The following STAT4 variants were observed in gnomAD, a reference collection of about 807,000 sequenced individuals.
STAT4 encodes the protein signal transducer and activator of transcription 4.
Under a neutral mutation model 110.5 loss-of-function variants are expected in STAT4, and 42 were observed. That is an observed-to-expected ratio of 0.38 (90% confidence interval 0.30 to 0.49). The LOEUF (loss-of-function observed/expected upper bound fraction) is 0.49, where lower values mean the gene tolerates loss of function less well. Ranked by LOEUF, STAT4 falls within the 20% of genes least tolerant of loss-of-function variation. STAT4 has a pLI of 0.95. For missense variants in STAT4, 632 were observed against 887.9 expected (o/e 0.71, Z 3.66); for synonymous variants, 284 against 302.2 (o/e 0.94, Z 0.63).
In STAT4 at chr2:191,032,035, C is replaced by A. The variant is rs1413304936; in HGVS notation, c.2045-519G>T. 6.6e-6 allele frequency: 1 copy of A among 152,316 alleles called. No individual in the cohort carries two copies. Among genetic ancestry groups the A allele is most frequent in the African/African-American group, 2.4e-5 (1 of 41,446 alleles). 9.4% of individuals were successfully genotyped at this position (152,316 alleles called of 1,614,324 possible). Reference sequence around the variant, plus strand: ...AACTTCTCTGGTATACCATGTTGAACTAGTATTTGTTCCAATTTTCCAACC... The same window carrying A: ...AACTTCTCTGGTATACCATGTTGAAATAGTATTTGTTCCAATTTTCCAACC... On this transcript the variant is annotated intron_variant, in intron 21 of 23. Coordinates refer to ENST00000392320, the MANE Select transcript of STAT4 (RefSeq NM_003151.4). This position sits in a 1 kb window ranked among gnomAD's most constrained non-coding sequence, Gnocchi z 4.9.
At position 191,104,324 on chromosome 2, in the gene STAT4, GT is replaced by G. The variant is rs1698220338; in HGVS notation, c.274-28000del. Among the ~76,000 whole-genome samples, 3 of 152,026 alleles carry G rather than the reference GT, an allele frequency of 2.0e-5. 1 individual carries two copies. The South Asian group carries it at 6.2e-4, about 32-fold the overall frequency. ...TGAACAAAGCTTTGATAATAAAGAA[GT>G]TAAACTAATGAATTAGTTTTTCCCA... On this transcript the variant is annotated intron_variant, in intron 3 of 23. Coordinates refer to ENST00000392320, the MANE Select transcript of STAT4 (RefSeq NM_003151.4). This position sits in a 1 kb window ranked among gnomAD's most constrained non-coding sequence, Gnocchi z 4.3.
chr2:191,067,557 T>C (rs956078960), intron 6 of STAT4, among the ~76,000 whole-genome samples: 1 of 152,188 alleles, frequency 6.6e-6, no homozygotes, highest in African/African-American at 2.4e-5. Flanking sequence ...TGCCTGAGCA[T>C]TGGGTCCATT....
chr2:191,083,696 T>G lies in STAT4; in HGVS notation c.274-7371A>C, dbSNP rs981344632. 6.6e-6 allele frequency among the ~76,000 whole-genome samples: 1 copy of G among 152,188 alleles called. No individual in the cohort carries two copies. The highest frequency in any genetic ancestry group is 2.4e-5 in the African/African-American group (1 of 41,444). On this transcript the variant is annotated intron_variant, in intron 3 of 23. Transcript: ENST00000392320. This position sits in a 1 kb window ranked among gnomAD's most constrained non-coding sequence, Gnocchi z 4.6. Reference sequence around the variant, plus strand: ...CTACTGCGTACTTCTGGTTGCCAACTAGCTCTCTCTCCCTTTGCATCACAA... The same window carrying G: ...CTACTGCGTACTTCTGGTTGCCAACGAGCTCTCTCTCCCTTTGCATCACAA...
chr2:191,128,897 T>C (rs1398885248), intron 3 of STAT4, among the ~76,000 whole-genome samples: 2 of 152,184 alleles, frequency 1.3e-5, no homozygotes, highest in Admixed American at 1.3e-4. Context: ...TTCCTAACAC[T>C]ACGTTTTGAG....
intron 14 of STAT4, among the ~76,000 whole-genome samples, chr2:191,052,796 C>T (rs897128948): frequency 6.6e-6 from 1 of 152,126 alleles, no homozygotes; most frequent in African/African-American, 2.4e-5. Flanking sequence ...TAAAATGTGC[C>T]AATGTTTAAC....
intron 3 of STAT4, among the ~76,000 whole-genome samples, chr2:191,094,204 G>A (rs1300401779): frequency 6.6e-6 from 1 of 152,120 alleles, no homozygotes; most frequent in Admixed American, 6.6e-5. Flanking sequence ...ACCTAGGGAG[G>A]CAGGCCTACA....
At chr2:191,068,395 C>T (rs1232775235) in intron 6 of STAT4, 1 of 152,088 alleles carries the variant, frequency 6.6e-6, no homozygotes, top group Admixed American at 6.6e-5. Context: ...GCCATTTCTT[C>T]TGAATGGAAA....
intron 16 of STAT4, among the ~76,000 whole-genome samples, chr2:191,038,464 C>T (rs1696102874): frequency 6.6e-6 from 1 of 152,166 alleles, no homozygotes; most frequent in South Asian, 2.1e-4. Context: ...TTGGAGGGAA[C>T]ATTTGCTCTG....
Position 191,029,618 on chromosome 2 carries a change from T to A in STAT4, c.*222A>T, listed in dbSNP as rs1220766131. 1 of 533,794 alleles carries A rather than the reference T, an allele frequency of 1.9e-6. No individual in the cohort carries two copies. The highest frequency in any genetic ancestry group is 3.5e-5 in the East Asian group (1 of 28,770). The allele number at this position is 533,794 out of a possible 1,614,324, so 33.1% of individuals were successfully genotyped here. ...TATTAACACTGGTTTCTTAAAGTTGTCTTATCTTGCAAGTTTATCTGAAGC... is the reference window on the plus strand; with the variant it reads ...TATTAACACTGGTTTCTTAAAGTTGACTTATCTTGCAAGTTTATCTGAAGC... On this transcript the variant is annotated 3_prime_UTR_variant, in exon 24 of 24. Coordinates refer to ENST00000392320, the MANE Select transcript of STAT4 (RefSeq NM_003151.4). This position sits in a 1 kb window ranked among gnomAD's most constrained non-coding sequence, Gnocchi z 4.5.
chr2:191,036,728 C>T (rs1318386635), intron 16 of STAT4, among the ~76,000 whole-genome samples: 2 of 152,134 alleles, frequency 1.3e-5, no homozygotes, highest in African/African-American at 2.4e-5. Context: ...TGAAGCTTGC[C>T]TTGGTCACTC....
At position 191,061,502 on chromosome 2, in the gene STAT4, T is replaced by G. The variant is rs1025846608; in HGVS notation, c.1034+227A>C. 6.6e-6 allele frequency among the ~76,000 whole-genome samples: 1 copy of G among 152,232 alleles called. No homozygotes were observed. Among genetic ancestry groups the G allele is most frequent in the Non-Finnish European group, 1.5e-5 (1 of 68,032 alleles). On this transcript the variant is annotated intron_variant, in intron 10 of 23. Transcript: ENST00000392320. The surrounding 1 kb of genome is among the most constrained non-coding windows in gnomAD (Gnocchi z 6.2). ...TGCCTGATATTATGATTCCATACTT[T>G]CAGGCTAATATCCCTTATGTCCTCA...
In STAT4 at chr2:191,042,802, G is replaced by T. The variant is rs1263422640; in HGVS notation, c.1252-1654C>A. Among the ~76,000 whole-genome samples the T allele has an allele frequency of 4.0e-5, 6 of 148,890 alleles. No homozygotes were observed. The Admixed American group carries it at 4.0e-4, about 10-fold the overall frequency. On this transcript the variant is annotated intron_variant, in intron 14 of 23. Coordinates refer to ENST00000392320, the MANE Select transcript of STAT4 (RefSeq NM_003151.4). This position sits in a 1 kb window ranked among gnomAD's most constrained non-coding sequence, Gnocchi z 4.2. ...CTTTTTTTTTTTTCTTTTTTGAGAT[G>T]CAGTTTTGCTCTTGTTGCCCAGGCT...
At position 191,053,662 on chromosome 2, in the gene STAT4, A is replaced by G. The variant is rs1277582574; in HGVS notation, c.1251+828T>C. 1.3e-5 allele frequency among the ~76,000 whole-genome samples: 2 copies of G among 152,246 alleles called. No individual in the cohort carries two copies. The highest frequency in any genetic ancestry group is 2.1e-4 in the South Asian group (1 of 4,832). Reference sequence around the variant, plus strand: ...AGGGTTGTTTTTTACCCCACATATCATAATTTTTCAGCCTGACTTCATATA... The same window carrying G: ...AGGGTTGTTTTTTACCCCACATATCGTAATTTTTCAGCCTGACTTCATATA... On this transcript the variant is annotated intron_variant, in intron 14 of 23. Transcript: ENST00000392320. The surrounding 1 kb of genome is among the most constrained non-coding windows in gnomAD (Gnocchi z 4.5).
rs1486788390 is a variant in STAT4, at chr2:191,033,751, AGATT to A, written c.1716-129_1716-126del. The A allele has an allele frequency of 5.8e-6, 8 of 1,384,798 alleles. No individual in the cohort carries two copies. Among genetic ancestry groups the A allele is most frequent in the Non-Finnish European group, 6.9e-6 (7 of 1,018,486 alleles). 85.8% of individuals were successfully genotyped at this position (1,384,798 alleles called of 1,614,324 possible). A position where few individuals can be genotyped will look rare whatever the true frequency, so the allele number is the denominator to read the frequency against. ...ATTCTTACCTGAAATACTCATATATAGATTAATATACATAGTGCCACTCCACAAA... is the reference window on the plus strand; with the variant it reads ...ATTCTTACCTGAAATACTCATATATAAATATACATAGTGCCACTCCACAAA... On this transcript the variant is annotated intron_variant, in intron 19 of 23. Coordinates refer to ENST00000392320, the MANE Select transcript of STAT4 (RefSeq NM_003151.4). This position sits in a 1 kb window ranked among gnomAD's most constrained non-coding sequence, Gnocchi z 6.9.
chr2:191,132,830 C>T (rs1229489512), intron 3 of STAT4, among the ~76,000 whole-genome samples: 2 of 150,130 alleles, frequency 1.3e-5, no homozygotes, highest in Non-Finnish European at 2.9e-5. Context: ...TCTCGGCTCA[C>T]TGCAAGCTCC....
chr2:191,080,913 T>C (rs577108573), intron 3 of STAT4, among the ~76,000 whole-genome samples: 119 of 152,296 alleles, frequency 7.8e-4, no homozygotes, highest in Non-Finnish European at 1.6e-3. Flanking sequence ...TACATAGGTA[T>C]ACATGTGCCA....
rs1490495855 is a variant in STAT4, at chr2:191,140,012, C to T, written c.273+6601G>A. Among the ~76,000 whole-genome samples, 1 of 152,008 alleles carries T rather than the reference C, an allele frequency of 6.6e-6. No individual in the cohort carries two copies. The highest frequency in any genetic ancestry group is 1.5e-5 in the Non-Finnish European group (1 of 67,996). On this transcript the variant is annotated intron_variant, in intron 3 of 23. Transcript: ENST00000392320. The surrounding 1 kb of genome is among the most constrained non-coding windows in gnomAD (Gnocchi z 4.4). The stretch of plus-strand genomic sequence containing the variant: ...AAAATATAAATCAGGGAAAAGACAC[C>T]CTATTCAATATATGGGCTGGGAAAA...
intron 14 of STAT4, among the ~76,000 whole-genome samples, chr2:191,049,163 A>G (rs1463923117): frequency 2.0e-5 from 3 of 149,000 alleles, no homozygotes; most frequent in Admixed American, 6.7e-5. Context: ...ACAAATGGTA[A>G]TAGCTTTTTT....
At chr2:191,105,620 C>G (rs924318249) in intron 3 of STAT4, among the ~76,000 whole-genome samples, 1 of 152,230 alleles carries the variant, frequency 6.6e-6, no homozygotes, top group Non-Finnish European at 1.5e-5. Flanking sequence ...TTCATTTTAC[C>G]CACTAAAGAT....
Sources: gnomAD v4.1 joint callset for allele counts (sites outside exome capture counted in the v4.1 genomes callset) on GRCh38, gnomAD v4.1.1 for gene constraint, Gnocchi (gnomAD v3.1) non-coding constraint, MANE v1.5 for transcripts, NCBI Gene and HGNC (gene_info 2026-07-23, HGNC 2026-07-21) for gene names.